TMPRSS6: variants seen among roughly 807,000 people sequenced by gnomAD.
TMPRSS6 encodes transmembrane serine protease 6.
TMPRSS6 carries 67 observed loss-of-function variants against 101.5 expected under a neutral mutation model. That is an observed-to-expected ratio of 0.66 (90% CI 0.54 to 0.81). The LOEUF (loss-of-function observed/expected upper bound fraction) is 0.81. Among genes scored for constraint, TMPRSS6 ranks in the 30% least tolerant of loss-of-function variants. The pLI is 0.00. For missense variants in TMPRSS6, 1,034 were observed against 1,088.7 expected, an observed-to-expected ratio of 0.95 and a Z score of 0.71; for synonymous variants, 453 against 464.9, an observed-to-expected ratio of 0.97 and a Z score of 0.33.
At chr22:37,088,817 C>T (rs1339070067) in intron 7 of TMPRSS6, among the ~76,000 whole-genome samples, 2 of 152,234 alleles carry the variant, frequency 1.3e-5, no homozygotes, top group Non-Finnish European at 2.9e-5. Flanking sequence ...CGTGTAAGTG[C>T]TAGGCACTCA....
chr22:37,079,151 G>T (rs1325389385), intron 10 of TMPRSS6, among the ~76,000 whole-genome samples: 1 of 152,050 alleles, frequency 6.6e-6, no homozygotes, highest in Non-Finnish European at 1.5e-5. Flanking sequence ...TCTGGGGGAG[G>T]GTGCACATTC....
chr22:37,096,719 T>G lies in TMPRSS6; in HGVS notation c.337-4A>C. 1 of 1,561,554 alleles carries G rather than the reference T, an allele frequency of 6.4e-7. No individual in the cohort carries two copies. The highest frequency in any genetic ancestry group is 8.7e-7 in the Non-Finnish European group (1 of 1,151,884). On this transcript the variant is annotated splice_polypyrimidine_tract_variant and splice_region_variant and intron_variant, in intron 3 of 17. Coordinates refer to ENST00000676104, the MANE Select transcript of TMPRSS6 (RefSeq NM_001374504.1). ...TGCTGGTGATGAGCTCCTTGAGCTG[T>G]GAGAAGGGAAGACAACAGCCCCTGG...
intron 16 of TMPRSS6, 53 bp from the exon 17 acceptor site, chr22:37,067,015 C>A: frequency 6.2e-7 from 1 of 1,612,172 alleles, no homozygotes; most frequent in Non-Finnish European, 8.5e-7. Context: ...AGCCCCTGTT[C>A]TCTATTCTCC....
In TMPRSS6 at chr22:37,073,573, G is replaced by GGCT; in HGVS notation, c.1511_1513dup (p.Gln504dup). 1.9e-6 allele frequency: 3 copies of GGCT among 1,614,060 alleles called. No individual in the cohort carries two copies. On this transcript the variant is annotated inframe_insertion, in exon 13 of 18. Coordinates refer to ENST00000676104, the MANE Select transcript of TMPRSS6 (RefSeq NM_001374504.1). ...TTCGTCGCTGCCGTTGAGACAATCA[G>GGCT]GCTGCCCATCACAGACCTTGGGCAG...
chr22:37,069,015 T>TAC lies in TMPRSS6; in HGVS notation c.2113+56_2113+57dup. 6.5e-7 allele frequency: 1 copy of TAC among 1,529,282 alleles called. No individual in the cohort carries two copies. The allele number at this position is 1,529,282 out of a possible 1,614,324, so 94.7% of individuals were successfully genotyped here. On this transcript the variant is annotated intron_variant, in intron 16 of 17. Coordinates refer to ENST00000676104, the MANE Select transcript of TMPRSS6 (RefSeq NM_001374504.1). This position sits in a 1 kb window ranked among gnomAD's most constrained non-coding sequence, Gnocchi z 4.8. Reference sequence around the variant, plus strand: ...CCCCGCCCTTCTCCAGGCCAGGTGTTACGGCGCAGATCCGCACGGTCTCCC... The same window carrying TAC: ...CCCCGCCCTTCTCCAGGCCAGGTGTTACACGGCGCAGATCCGCACGGTCTCCC...
At chr22:37,106,564 C>T (rs998654205) in intron 1 of TMPRSS6, among the ~76,000 whole-genome samples, 2 of 152,176 alleles carry the variant, frequency 1.3e-5, no homozygotes, top group Admixed American at 6.5e-5. Flanking sequence ...TTAATTCCCC[C>T]GGGCTCATCA....
chr22:37,078,963 GAA>G lies in TMPRSS6; in HGVS notation c.1197-3685_1197-3684del, dbSNP rs1377929243. Among the ~76,000 whole-genome samples the G allele has an allele frequency of 2.8e-3, 257 of 92,514 alleles. 5 individuals carry two copies. Among genetic ancestry groups the G allele is most frequent in the South Asian group, 0.012 (29 of 2,488 alleles). The allele number at this position is 92,514 out of a possible 152,430, so 60.7% of individuals were successfully genotyped here. ...AGAAGGAGAAGGAGAAAAAGAGAAA[GAA>G]AGAAAGAAAAAGAAAGAAAGAAAGA... On this transcript the variant is annotated intron_variant, in intron 10 of 17. Coordinates refer to ENST00000676104, the MANE Select transcript of TMPRSS6 (RefSeq NM_001374504.1).
Position 37,086,272 on chromosome 22 carries a change from TGACCTCTCACCCTG to T in TMPRSS6, c.970_973+10del, listed in dbSNP as rs1336903654. 6.2e-7 allele frequency: 1 copy of T among 1,613,730 alleles called. No homozygotes were observed. The highest frequency in any genetic ancestry group is 2.2e-5 in the East Asian group (1 of 44,802). On this transcript the variant is annotated splice_donor_variant and splice_donor_5th_base_variant and coding_sequence_variant and intron_variant, in exon 8 of 18. Coordinates refer to ENST00000676104, the MANE Select transcript of TMPRSS6 (RefSeq NM_001374504.1). LOFTEE classifies it high-confidence loss of function. Reference sequence around the variant, plus strand: ...ACCCCTCCCCTGCCCCAGGGACCCCTGACCTCTCACCCTGGAAGACCACCGGCTGCACGGAGAGC... The same window carrying T: ...ACCCCTCCCCTGCCCCAGGGACCCCTGAAGACCACCGGCTGCACGGAGAGC...
intron 13 of TMPRSS6, 136 bp downstream of exon 13, chr22:37,073,396 A>G (rs1927324901): frequency 1.6e-6 from 1 of 628,426 alleles, no homozygotes; most frequent in Non-Finnish European, 2.9e-6. Flanking sequence ...GGATGGATGA[A>G]TGGACAGACA....
intron 12 of TMPRSS6, 117 bp downstream of exon 12, chr22:37,074,493 G>A (rs912823309): frequency 1.0e-6 from 1 of 984,474 alleles, no homozygotes; most frequent in African/African-American, 1.6e-5. Context: ...CACTTCCTGG[G>A]TGCTCATAAT....
chr22:37,070,433 C>T (rs1926776401), intron 15 of TMPRSS6, 51 bp downstream of exon 15: 1 of 1,610,024 alleles, frequency 6.2e-7, no homozygotes, highest in African/African-American at 1.3e-5. Context: ...CCCACCGGGC[C>T]TTCCCTGCCC....
Position 37,084,747 on chromosome 22 carries a change from G to A in TMPRSS6, c.1066C>T (p.His356Tyr), listed in dbSNP as rs1406261950. 1 of 1,565,228 alleles carries A rather than the reference G, an allele frequency of 6.4e-7. No individual in the cohort carries two copies. Residue 356 changes from histidine to tyrosine, a missense_variant, in exon 9 of 18, where the codon CAC (histidine) becomes TAC (tyrosine). By Grantham distance (83) the His-to-Tyr change is moderately conservative. Transcript: ENST00000676104. ...CTCACCGTGAGGTGCCAGGAGCAGT[G>A]GGTTTGGGGCGAGTAGTAGCTGGGG... ...YFPSYYSPQT[H>Y]CSWHLTVPSL...
chr22:37,093,384 C>CTTTTTT lies in TMPRSS6; in HGVS notation c.631+2161_631+2166dup, dbSNP rs67659825. Among the ~76,000 whole-genome samples, 174 of 82,568 alleles carry CTTTTTT rather than the reference C, an allele frequency of 2.1e-3. 2 individuals are homozygous for CTTTTTT. Among genetic ancestry groups the CTTTTTT allele is most frequent in the African/African-American group, 4.9e-3 (93 of 19,086 alleles). The allele number at this position is 82,568 out of a possible 152,430, so 54.2% of individuals were successfully genotyped here. A position where few individuals can be genotyped will look rare whatever the true frequency, so the allele number is the denominator to read the frequency against. On this transcript the variant is annotated intron_variant, in intron 6 of 17. Coordinates refer to ENST00000676104, the MANE Select transcript of TMPRSS6 (RefSeq NM_001374504.1). The stretch of plus-strand genomic sequence containing the variant: ...ACCTTTTCCTTTCCTTTCTTTCTTT[C>CTTTTTT]TTTTTTTTTTTTTTTTTTTTTTTTT...
rs1375317693 is a variant in TMPRSS6, at chr22:37,073,142, G to A, written c.1555+390C>T. Among the ~76,000 whole-genome samples, 287 of 141,148 alleles carry A rather than the reference G, an allele frequency of 2.0e-3. 3 individuals carry two copies. Among genetic ancestry groups the A allele is most frequent in the African/African-American group, 7.3e-3 (269 of 36,946 alleles). The allele number at this position is 141,148 out of a possible 152,430, so 92.6% of individuals were successfully genotyped here. A position where few individuals can be genotyped will look rare whatever the true frequency, so the allele number is the denominator to read the frequency against. On this transcript the variant is annotated intron_variant, in intron 13 of 17. Coordinates refer to ENST00000676104, the MANE Select transcript of TMPRSS6 (RefSeq NM_001374504.1). ...ATGGATGATGGATGGGTGGATGGGT[G>A]GGTGGGTAGATGGGTGGGTGGATGG...
At chr22:37,100,004 G>A (rs1930162015) in intron 2 of TMPRSS6, among the ~76,000 whole-genome samples, 1 of 152,144 alleles carries the variant, frequency 6.6e-6, no homozygotes, top group South Asian at 2.1e-4. Flanking sequence ...TTTCGCTCTT[G>A]TTGCCTAGCT....
chr22:37,101,627 C>A lies in TMPRSS6; in HGVS notation c.202+1589G>T, dbSNP rs1397834100. Among the ~76,000 whole-genome samples, 2 of 152,128 alleles carry A rather than the reference C, an allele frequency of 1.3e-5. No homozygotes were observed. The highest frequency in any genetic ancestry group is 6.5e-5 in the Admixed American group (1 of 15,288). On this transcript the variant is annotated intron_variant, in intron 2 of 17. Coordinates refer to ENST00000676104, the MANE Select transcript of TMPRSS6 (RefSeq NM_001374504.1). This position sits in a 1 kb window ranked among gnomAD's most constrained non-coding sequence, Gnocchi z 4.1. ...CAGCTCCCAAAGTGCCTCCTTCAAC[C>A]CTTAATCCCTCTGTGGGGGAGTTGG...
Position 37,089,644 on chromosome 22 carries a change from G to C in TMPRSS6, c.770C>G (p.Ala257Gly), listed in dbSNP as rs573556736. The C allele has an allele frequency of 6.8e-6, 11 of 1,612,578 alleles. No individual in the cohort carries two copies. The South Asian group carries it at 1.2e-4, about 18-fold the overall frequency. ...MLKLRLEWTLAECRDRLAMYD... is the reference protein window; with the variant it reads ...MLKLRLEWTLGECRDRLAMYD... ...CATGGCCAGTCGGTCCCGGCACTCT[G>C]CCAGCGTCCACTCCAGCCGGAGTTT... is the stretch of plus-strand genomic sequence containing the variant. Residue 257 changes from alanine (A) to glycine (G), a missense_variant, in exon 7 of 18, where the codon GCA becomes GGA. Ala to Gly is a moderately conservative substitution (Grantham distance 60). Transcript: ENST00000676104.
At position 37,097,784 on chromosome 22, in the gene TMPRSS6, T is replaced by C. The variant is rs35585494; in HGVS notation, c.336+632A>G. 3.6e-3 allele frequency among the ~76,000 whole-genome samples: 194 copies of C among 54,336 alleles called. 2 individuals are homozygous for C. The highest frequency in any genetic ancestry group is 4.8e-3 in the African/African-American group (45 of 9,424). 35.6% of individuals were successfully genotyped at this position (54,336 alleles called of 152,430 possible). A position where few individuals can be genotyped will look rare whatever the true frequency, so the allele number is the denominator to read the frequency against. On this transcript the variant is annotated intron_variant, in intron 3 of 17. Transcript: ENST00000676104. ...CTGTCCTGTAACGGAGGGGCAGGAG[T>C]GGGCCACCGTCCTGTAACGGAGGGG...
chr22:37,084,934 GC>G, intron 8 of TMPRSS6, 95 bp from the exon 9 acceptor site: 1 of 881,838 alleles, frequency 1.1e-6, no homozygotes, highest in Non-Finnish European at 1.8e-6. Context: ...TACCACCTCT[GC>G]CAGCAAATTG....
Sources: allele counts gnomAD v4.1 joint callset (sites outside exome capture counted in the v4.1 genomes callset), GRCh38; gene constraint gnomAD v4.1.1; non-coding constraint Gnocchi (gnomAD v3.1); transcripts MANE v1.5; gene names NCBI Gene and HGNC (gene_info 2026-07-23, HGNC 2026-07-21).